Variants in ERO1A observed in about 807,000 individuals in gnomAD.
The protein encoded by ERO1A is endoplasmic reticulum oxidoreductase 1 alpha.
A neutral mutation model predicts 76.9 loss-of-function variants in ERO1A; 49 were observed. The ratio of observed to expected loss-of-function variants is 0.64; its 90% CI spans 0.51 to 0.81. The LOEUF (loss-of-function observed/expected upper bound fraction) is 0.81, where lower values mean the gene tolerates loss of function less well. Ranked by LOEUF, ERO1A falls within the 30% of genes least tolerant of loss-of-function variation. The pLI, the probability that ERO1A is intolerant of heterozygous loss-of-function variation, is 0.00. For synonymous variants in ERO1A, 174 were observed against 181.2 expected (o/e 0.96, Z 0.32); for missense variants, 448 against 542.1 (o/e 0.83, Z 1.72).
chr14:52,664,777 C>T (rs774537848), intron 7 of ERO1A, among the ~76,000 whole-genome samples: 1 of 151,984 alleles, frequency 6.6e-6, no homozygotes, highest in African/African-American at 2.4e-5. Context: ...CTGCAAGCTC[C>T]GCCTCCCGGG....
chr14:52,644,983 T>G (rs1206204228), intron 15 of ERO1A, among the ~76,000 whole-genome samples: 5 of 152,204 alleles, frequency 3.3e-5, no homozygotes, highest in Admixed American at 3.3e-4. Context: ...TCTCAGCATT[T>G]CTTGCATGAT....
At chr14:52,682,473 C>T in intron 2 of ERO1A, 65 bp from the exon 3 acceptor site, 1 of 1,204,098 alleles carries the variant, frequency 8.3e-7, no homozygotes, top group Non-Finnish European at 1.2e-6. Context: ...TTGACAGTTA[C>T]AAATTATGGT....
At position 52,647,591 on chromosome 14, in the gene ERO1A, GAACCC is replaced by G. The variant is rs535209589; in HGVS notation, c.1126-1135_1126-1131del. The stretch of plus-strand genomic sequence containing the variant: ...TTTTAATACATATGTATACATCCAT[GAACCC>G]TAGAATATTATATCATTTATAATAG... On this transcript the variant is annotated intron_variant, in intron 13 of 15. Transcript: ENST00000395686. 6.9e-4 allele frequency among the ~76,000 whole-genome samples: 105 copies of G among 151,878 alleles called. 1 individual carries two copies. The highest frequency in any genetic ancestry group is 2.4e-3 in the African/African-American group (98 of 41,400).
chr14:52,648,052 A>G (rs1201340790), intron 13 of ERO1A, among the ~76,000 whole-genome samples: 1 of 152,234 alleles, frequency 6.6e-6, no homozygotes, highest in Admixed American at 6.5e-5. Flanking sequence ...CAGCTGTAAC[A>G]TGAAAGAAAG....
chr14:52,668,037 G>A (rs909107338), intron 6 of ERO1A, among the ~76,000 whole-genome samples: 14 of 151,868 alleles, frequency 9.2e-5, no homozygotes, highest in African/African-American at 3.4e-4. Context: ...TTTGCTTCTA[G>A]AAGCAGTACA....
chr14:52,668,539 C>T (rs1313287109), intron 6 of ERO1A, among the ~76,000 whole-genome samples: 3 of 151,586 alleles, frequency 2.0e-5, no homozygotes, highest in Non-Finnish European at 4.4e-5. Flanking sequence ...GAATGAAACT[C>T]TGCCTCGGAA....
chr14:52,660,981 T>C (rs891534006), intron 9 of ERO1A, among the ~76,000 whole-genome samples: 3 of 152,010 alleles, frequency 2.0e-5, no homozygotes, highest in South Asian at 2.1e-4. Flanking sequence ...GTTCAACCAG[T>C]AAAAGAGAGA....
chr14:52,677,865 A>T (rs1442836191), intron 4 of ERO1A, among the ~76,000 whole-genome samples: 7 of 39,278 alleles, frequency 1.8e-4, no homozygotes, highest in Non-Finnish European at 3.4e-4. Flanking sequence ...CTTTTATCTT[A>T]AAAAAAAAAA....
chr14:52,663,326 G>A (rs1478169301), intron 8 of ERO1A, among the ~76,000 whole-genome samples: 1 of 151,962 alleles, frequency 6.6e-6, no homozygotes, highest in Non-Finnish European at 1.5e-5. Flanking sequence ...CTGGCCAGGG[G>A]CAGTGGCTCA....
intron 4 of ERO1A, among the ~76,000 whole-genome samples, chr14:52,674,387 T>TG (rs1284717641): frequency 2.0e-5 from 3 of 152,046 alleles, no homozygotes; most frequent in East Asian, 1.9e-4. Flanking sequence ...TTTGTAGAGA[T>TG]GGGGTCTCAC....
intron 3 of ERO1A, among the ~76,000 whole-genome samples, chr14:52,678,885 AG>A (rs2139746204): frequency 6.6e-6 from 1 of 152,272 alleles, no homozygotes; most frequent in South Asian, 2.1e-4. Flanking sequence ...CTTGGAACCT[AG>A]GGGTTTGGGT....
At chr14:52,693,753 C>T (rs555055996) in intron 1 of ERO1A, among the ~76,000 whole-genome samples, 1 of 152,198 alleles carries the variant, frequency 6.6e-6, no homozygotes, top group South Asian at 2.1e-4. Context: ...CCACCTCAGC[C>T]TCCCAAAGTG....
intron 7 of ERO1A, chr14:52,664,323 T>C (rs1176152637): frequency 6.6e-6 from 1 of 152,212 alleles, no homozygotes; most frequent in Non-Finnish European, 1.5e-5. Flanking sequence ...ATTTGCCCTG[T>C]AGCTAAGTTT....
At chr14:52,695,193 C>T (rs751997947) in intron 1 of ERO1A, among the ~76,000 whole-genome samples, 175 bp downstream of exon 1, 4 of 152,182 alleles carry the variant, frequency 2.6e-5, no homozygotes, top group Non-Finnish European at 4.4e-5. Flanking sequence ...CGTGGAGGCC[C>T]GGTCCACGCC....
chr14:52,695,038 A>G (rs548632732), intron 1 of ERO1A, among the ~76,000 whole-genome samples: 1 of 152,370 alleles, frequency 6.6e-6, no homozygotes, highest in South Asian at 2.1e-4. Flanking sequence ...CTGTGAAAAT[A>G]GCAAATACTG....
At chr14:52,674,207 T>C (rs1188023753) in intron 4 of ERO1A, among the ~76,000 whole-genome samples, 1 of 152,208 alleles carries the variant, frequency 6.6e-6, no homozygotes, top group East Asian at 1.9e-4. Flanking sequence ...TTAAATGAAA[T>C]AAATCGAACA....
intron 1 of ERO1A, among the ~76,000 whole-genome samples, chr14:52,693,920 T>C (rs2041446986): frequency 1.3e-5 from 2 of 152,182 alleles, no homozygotes; most frequent in Non-Finnish European, 2.9e-5. Context: ...ATGAGGGTAT[T>C]GTGAAAGAGG....
At chr14:52,658,073 T>C in intron 10 of ERO1A, 51 bp downstream of exon 10, 1 of 1,499,946 alleles carries the variant, frequency 6.7e-7, no homozygotes, top group Non-Finnish European at 9.2e-7. Context: ...ATAAAATTAA[T>C]CTCATGAGAA....
At chr14:52,677,477 T>TA (rs1235691417) in intron 4 of ERO1A, among the ~76,000 whole-genome samples, 1 of 152,162 alleles carries the variant, frequency 6.6e-6, no homozygotes, top group African/African-American at 2.4e-5. Flanking sequence ...GGGAAACTGT[T>TA]ACGGCTAAGA....
Sources: allele counts gnomAD v4.1 joint callset (sites outside exome capture counted in the v4.1 genomes callset), GRCh38; gene constraint gnomAD v4.1.1; transcripts MANE v1.5; gene names NCBI Gene and HGNC (gene_info 2026-07-23, HGNC 2026-07-21).